EXOC4: variants seen among roughly 807,000 people sequenced by gnomAD.
EXOC4 encodes exocyst complex component 4, also known as SEC8-like 1.
EXOC4 carries 71 observed loss-of-function variants against 107.2 expected under a neutral mutation model. That is an observed-to-expected ratio of 0.66 (90% CI 0.55 to 0.81). The LOEUF is 0.81. EXOC4 is among the 30% of genes least tolerant of loss of function. EXOC4 has a pLI of 0.00. For missense variants in EXOC4, 1,108 were observed against 1,189.6 expected, an observed-to-expected ratio of 0.93 and a Z score of 1.01; for synonymous variants, 456 against 441.2, an observed-to-expected ratio of 1.03 and a Z score of -0.42.
rs967341938 is a variant in EXOC4, at chr7:133,545,847, G to A, written c.1417+65709G>A. Among the ~76,000 whole-genome samples, 29 of 152,146 alleles carry A rather than the reference G, an allele frequency of 1.9e-4. 1 individual carries two copies. Among genetic ancestry groups the A allele is most frequent in the Non-Finnish European group, 1.0e-4 (7 of 68,020 alleles). On this transcript the variant is annotated intron_variant, in intron 9 of 17. Transcript: ENST00000253861. ...GGCACCCTTCCAATACATGAGGATGGTTGGCATGTTCTCACTGAGCCTCCC... is the reference window on the plus strand; with the variant it reads ...GGCACCCTTCCAATACATGAGGATGATTGGCATGTTCTCACTGAGCCTCCC...
chr7:133,375,830 G>A (rs1796477852), intron 7 of EXOC4, among the ~76,000 whole-genome samples: 2 of 152,142 alleles, frequency 1.3e-5, no homozygotes, highest in African/African-American at 4.8e-5. Flanking sequence ...TGATGCTGCT[G>A]AAATGATATT....
intron 14 of EXOC4, among the ~76,000 whole-genome samples, chr7:133,994,777 G>A (rs1794348793): frequency 6.6e-6 from 1 of 152,068 alleles, no homozygotes; most frequent in East Asian, 1.9e-4. Context: ...GTGTGTGTGT[G>A]TGTGTGTGTG....
chr7:133,280,638 A>G (rs1223236559), intron 2 of EXOC4, among the ~76,000 whole-genome samples: 1 of 152,220 alleles, frequency 6.6e-6, no homozygotes, highest in East Asian at 1.9e-4. Context: ...TTTTTTGCCT[A>G]TAATGAGAAA....
intron 7 of EXOC4, among the ~76,000 whole-genome samples, chr7:133,390,351 C>T (rs554581347): frequency 1.9e-4 from 29 of 152,230 alleles, no homozygotes; most frequent in Middle Eastern, 3.4e-3. Flanking sequence ...TTTGCTTCTG[C>T]GGTTTTTCGT....
At chr7:133,940,527 A>G (rs1800401679) in intron 14 of EXOC4, among the ~76,000 whole-genome samples, 1 of 152,202 alleles carries the variant, frequency 6.6e-6, no homozygotes, top group Non-Finnish European at 1.5e-5. Flanking sequence ...TTTGAGGATC[A>G]GTGCAAAACC....
At position 133,521,643 on chromosome 7, in the gene EXOC4, C is replaced by T. The variant is rs181613394; in HGVS notation, c.1417+41505C>T. The stretch of plus-strand genomic sequence containing the variant: ...TCGTTTGTTTGCTTGTTTTTTGAGA[C>T]GGGGTCTCACTCTGTCAGCAGGCTG... On this transcript the variant is annotated intron_variant, in intron 9 of 17. Transcript: ENST00000253861. 1.6e-3 allele frequency among the ~76,000 whole-genome samples: 239 copies of T among 151,430 alleles called. 2 individuals carry two copies. The highest frequency in any genetic ancestry group is 5.4e-3 in the African/African-American group (221 of 41,254).
intron 4 of EXOC4, among the ~76,000 whole-genome samples, chr7:133,316,992 A>G (rs1039492783): frequency 2.0e-5 from 3 of 152,254 alleles, no homozygotes; most frequent in South Asian, 2.1e-4. Flanking sequence ...GTGGTTATCC[A>G]GTTGATCCAG....
intron 9 of EXOC4, among the ~76,000 whole-genome samples, chr7:133,566,938 A>G (rs1800918196): frequency 6.6e-6 from 1 of 152,190 alleles, no homozygotes; most frequent in African/African-American, 2.4e-5. Context: ...CATAAACAGA[A>G]TCATACAGAA....
chr7:134,024,936 AGCAGCAGCTGTGGTGG>A (rs1274815359), intron 17 of EXOC4, among the ~76,000 whole-genome samples: 5 of 152,228 alleles, frequency 3.3e-5, no homozygotes, highest in African/African-American at 1.2e-4. Flanking sequence ...TTCTGTGTTT[AGCAGCAGCTGTGGTGG>A]TATCTTCACA....
intron 9 of EXOC4, among the ~76,000 whole-genome samples, chr7:133,585,275 C>T (rs769153722): frequency 1.9e-4 from 29 of 152,152 alleles, no homozygotes; most frequent in Middle Eastern, 3.2e-3. Context: ...CTTTCCTAAA[C>T]TTTAGGTTTC....
intron 11 of EXOC4, among the ~76,000 whole-genome samples, chr7:133,864,411 A>G (rs1798594838): frequency 1.3e-5 from 2 of 152,166 alleles, no homozygotes; most frequent in Admixed American, 1.3e-4. Flanking sequence ...TCACTCTACT[A>G]CACCTCCTCT....
chr7:133,359,815 C>T (rs532275209), intron 6 of EXOC4, among the ~76,000 whole-genome samples: 6 of 152,272 alleles, frequency 3.9e-5, no homozygotes. Flanking sequence ...AGGATACTTT[C>T]CCAGCCAGTT....
At chr7:133,475,227 G>A (rs1584946095) in intron 7 of EXOC4, 101 bp from the exon 8 acceptor site, 2 of 1,023,614 alleles carry the variant, frequency 2.0e-6, no homozygotes, top group African/African-American at 1.6e-5. Context: ...ACTCCTGAAT[G>A]TTGGTTTTAG....
At chr7:133,652,515 GT>G (rs1369902716) in intron 10 of EXOC4, among the ~76,000 whole-genome samples, 1 of 151,930 alleles carries the variant, frequency 6.6e-6, no homozygotes, top group Non-Finnish European at 1.5e-5. Flanking sequence ...AAAGAGTGGA[GT>G]TTCCCCCTTG....
intron 10 of EXOC4, among the ~76,000 whole-genome samples, chr7:133,770,593 A>G (rs1796225533): frequency 6.6e-6 from 1 of 151,992 alleles, no homozygotes; most frequent in Admixed American, 6.6e-5. Context: ...TGTATCAGGC[A>G]TCAGGGTAAA....
intron 4 of EXOC4, 41 bp downstream of exon 4, chr7:133,306,102 A>G (rs777689317): frequency 3.8e-5 from 55 of 1,466,140 alleles, no homozygotes; most frequent in Non-Finnish European, 4.9e-5. Flanking sequence ...GTGGCAGTGT[A>G]GGATTGGAAG....
chr7:133,765,151 C>G (rs2151156260), intron 10 of EXOC4, among the ~76,000 whole-genome samples: 1 of 152,112 alleles, frequency 6.6e-6, no homozygotes, highest in African/African-American at 2.4e-5. Context: ...AATAAGTTTT[C>G]TTTTCTGTAA....
chr7:133,297,794 C>T (rs1172614357), intron 3 of EXOC4, among the ~76,000 whole-genome samples: 1 of 152,162 alleles, frequency 6.6e-6, no homozygotes, highest in Non-Finnish European at 1.5e-5. Flanking sequence ...TATTCTGGTG[C>T]TACCATCATT....
At chr7:134,082,091 G>T in the EXOC4 span, among the ~76,000 whole-genome samples, 7 of 152,176 alleles carry the variant, frequency 4.6e-5, no homozygotes, top group African/African-American at 1.4e-4. Flanking sequence ...AGTCCATAAA[G>T]TAAAGTGAAA....
Sources: allele counts gnomAD v4.1 joint callset (sites outside exome capture counted in the v4.1 genomes callset), GRCh38; gene constraint gnomAD v4.1.1; transcripts MANE v1.5; gene names NCBI Gene and HGNC (gene_info 2026-07-23, HGNC 2026-07-21).